The following NAALADL2 variants were observed in gnomAD, a reference collection of about 807,000 sequenced individuals.
The protein encoded by NAALADL2 is inactive N-acetylated-alpha-linked acidic dipeptidase-like protein 2.
NAALADL2 carries 76 observed loss-of-function variants against 87.2 expected under a neutral mutation model. That is an observed-to-expected ratio of 0.87 (90% CI 0.72 to 1.05). NAALADL2 has a LOEUF of 1.05. NAALADL2 is among the 50% of genes least tolerant of loss of function. The pLI, the probability that NAALADL2 is intolerant of heterozygous loss-of-function variation, is 0.00. For synonymous variants in NAALADL2, 354 were observed against 331.0 expected, an observed-to-expected ratio of 1.07 and a Z score of -0.75; for missense variants, 1,089 against 945.8, an observed-to-expected ratio of 1.15 and a Z score of -1.99.
chr3:174,687,509 A>C (rs530320728), intron 2 of NAALADL2, among the ~76,000 whole-genome samples: 1 of 152,252 alleles, frequency 6.6e-6, no homozygotes, highest in Admixed American at 6.5e-5. Flanking sequence ...AAATGTATCT[A>C]ACTAATAAAA....
At position 174,860,380 on chromosome 3, in the gene NAALADL2, T is replaced by A. The variant is rs1453371246; in HGVS notation, c.43+930T>A. Among the ~76,000 whole-genome samples the A allele has an allele frequency of 2.0e-5, 3 of 152,106 alleles. No homozygotes were observed. In the East Asian group the frequency reaches 5.8e-4, roughly 29 times the overall value. On this transcript the variant is annotated intron_variant, in intron 1 of 13. Transcript: ENST00000454872. ...CTGTGTAAAATGCTACTATAAAGCA[T>A]TTTTAATTTAAAAGATTAATTTCAA...
At chr3:175,791,482 C>G (rs1415008581) in intron 13 of NAALADL2, among the ~76,000 whole-genome samples, 1 of 152,094 alleles carries the variant, frequency 6.6e-6, no homozygotes, top group Non-Finnish European at 1.5e-5. Context: ...AGAAGAGAAA[C>G]CAAGACATTG....
chr3:174,713,361 T>A (rs1443112960), intron 2 of NAALADL2, among the ~76,000 whole-genome samples: 1 of 152,176 alleles, frequency 6.6e-6, no homozygotes, highest in African/African-American at 2.4e-5. Flanking sequence ...TAGTTCTAGA[T>A]CCCTGAGGAA....
intron 11 of NAALADL2, among the ~76,000 whole-genome samples, chr3:175,697,394 CACACAG>C (rs991515918): frequency 4.2e-5 from 5 of 120,246 alleles, no homozygotes; most frequent in African/African-American, 1.9e-4. Context: ...GCTAAAGCTG[CACACAG>C]ACACACACAC....
At chr3:175,534,793 G>T (rs140512001) in intron 9 of NAALADL2, among the ~76,000 whole-genome samples, 4 of 151,442 alleles carry the variant, frequency 2.6e-5, no homozygotes, top group Admixed American at 6.6e-5. Context: ...AGGATTTATT[G>T]GTTCTATGAT....
At chr3:174,806,456 C>A (rs1053403721) in intron 3 of NAALADL2, among the ~76,000 whole-genome samples, 2 of 152,180 alleles carry the variant, frequency 1.3e-5, no homozygotes, top group Non-Finnish European at 2.9e-5. Flanking sequence ...TGAGCCTAAT[C>A]ACTGAAGAGC....
chr3:174,930,912 A>G (rs113643976), intron 1 of NAALADL2, among the ~76,000 whole-genome samples: 4,092 of 151,648 alleles, frequency 0.027, 145 homozygotes, highest in African/African-American at 0.085. Context: ...ATGAGCCACC[A>G]CGCCCGGCCA....
intron 2 of NAALADL2, among the ~76,000 whole-genome samples, chr3:174,615,904 A>C (rs1351464460): frequency 6.6e-6 from 1 of 152,096 alleles, no homozygotes; most frequent in Non-Finnish European, 1.5e-5. Context: ...TATACCTTAT[A>C]AAGGGGATCT....
At chr3:175,352,844 G>C (rs1347392433) in intron 5 of NAALADL2, among the ~76,000 whole-genome samples, 1 of 151,978 alleles carries the variant, frequency 6.6e-6, no homozygotes, top group Non-Finnish European at 1.5e-5. Context: ...GTGTGTGGGT[G>C]GTAGAAAAGG....
At chr3:175,427,839 G>A (rs1032446285) in intron 5 of NAALADL2, among the ~76,000 whole-genome samples, 1 of 152,002 alleles carries the variant, frequency 6.6e-6, no homozygotes, top group East Asian at 1.9e-4. Flanking sequence ...TGTTGCTTAA[G>A]GTTCTTCATG....
intron 1 of NAALADL2, among the ~76,000 whole-genome samples, chr3:174,934,003 T>A (rs1023117013): frequency 6.6e-6 from 1 of 152,184 alleles, no homozygotes; most frequent in Non-Finnish European, 1.5e-5. Flanking sequence ...AAAATTATGA[T>A]AAATATACAT....
chr3:174,651,686 A>G (rs1226052098), intron 2 of NAALADL2, among the ~76,000 whole-genome samples: 1 of 152,120 alleles, frequency 6.6e-6, no homozygotes, highest in Non-Finnish European at 1.5e-5. Context: ...CTAACCTTCC[A>G]TTTGTGCTTT....
At chr3:175,666,801 G>C (rs1387807207) in intron 11 of NAALADL2, among the ~76,000 whole-genome samples, 1 of 150,980 alleles carries the variant, frequency 6.6e-6, no homozygotes, top group Non-Finnish European at 1.5e-5. Flanking sequence ...ATACAAATGA[G>C]TGGGTAGATA....
intron 13 of NAALADL2, among the ~76,000 whole-genome samples, chr3:175,771,532 A>G (rs1230910897): frequency 6.6e-6 from 1 of 152,124 alleles, no homozygotes; most frequent in Non-Finnish European, 1.5e-5. Flanking sequence ...CAGCAGGGCC[A>G]TGTTTTCTCT....
At chr3:174,592,201 T>C (rs1197597454) in intron 2 of NAALADL2, among the ~76,000 whole-genome samples, 1 of 151,852 alleles carries the variant, frequency 6.6e-6, no homozygotes, top group East Asian at 1.9e-4. Context: ...TGGAATGGAG[T>C]ATTTCTTTTT....
chr3:174,715,016 G>A (rs1213721846), intron 2 of NAALADL2, among the ~76,000 whole-genome samples: 1 of 152,140 alleles, frequency 6.6e-6, no homozygotes, highest in African/African-American at 2.4e-5. Context: ...AAGAGTTGTT[G>A]AATTTTGTCA....
At chr3:175,619,265 AAG>A (rs1560860819) in intron 10 of NAALADL2, among the ~76,000 whole-genome samples, 19 of 86,882 alleles carry the variant, frequency 2.2e-4, no homozygotes, top group African/African-American at 8.1e-4. Flanking sequence ...GGAAGGAAGG[AAG>A]GAGAAGGAAA....
At position 175,576,398 on chromosome 3, in the gene NAALADL2, A is replaced by T. The variant is rs1192438543; in HGVS notation, c.1800+211A>T. ...ATAGTATTGAATTCAATTTAAAAAGATTTATACTGTCACTCACATTTTCAC... is the reference window on the plus strand; with the variant it reads ...ATAGTATTGAATTCAATTTAAAAAGTTTTATACTGTCACTCACATTTTCAC... On this transcript the variant is annotated intron_variant, in intron 10 of 13. Coordinates refer to ENST00000454872, the MANE Select transcript of NAALADL2 (RefSeq NM_207015.3). Among the ~76,000 whole-genome samples the T allele has an allele frequency of 2.6e-5, 4 of 152,212 alleles. No homozygotes were observed. In the East Asian group the frequency reaches 5.8e-4, roughly 22 times the overall value.
Position 175,780,289 on chromosome 3 carries a change from C to G in NAALADL2, c.2190-22716C>G, listed in dbSNP as rs577268298. On this transcript the variant is annotated intron_variant, in intron 13 of 13. Coordinates refer to ENST00000454872, the MANE Select transcript of NAALADL2 (RefSeq NM_207015.3). ...AGACTCTGTCTCAAAAAAAAAAAACCAATAAAAAGAATTTTTCCTCATAGT... is the reference window on the plus strand; with the variant it reads ...AGACTCTGTCTCAAAAAAAAAAAACGAATAAAAAGAATTTTTCCTCATAGT... Among the ~76,000 whole-genome samples, 61 of 151,276 alleles carry G rather than the reference C, an allele frequency of 4.0e-4. 1 individual carries two copies. The East Asian group carries it at 0.011, about 27-fold the overall frequency.
Sources: gnomAD v4.1 joint callset for allele counts (sites outside exome capture counted in the v4.1 genomes callset) on GRCh38, gnomAD v4.1.1 for gene constraint, MANE v1.5 for transcripts, NCBI Gene and HGNC (gene_info 2026-07-23, HGNC 2026-07-21) for gene names.